The following STRA6 variants were observed in gnomAD, a reference collection of about 807,000 sequenced individuals.
STRA6 encodes the protein receptor for retinol uptake STRA6.
A neutral mutation model predicts 83.6 loss-of-function variants in STRA6; 48 were observed. That is an observed-to-expected ratio of 0.57 (90% CI 0.46 to 0.73). STRA6 has a LOEUF of 0.73. STRA6 is among the 30% of genes least tolerant of loss of function. STRA6 has a pLI of 0.00. For synonymous variants in STRA6, 353 were observed against 362.3 expected (o/e 0.97, Z 0.29); for missense variants, 760 against 838.8 (o/e 0.91, Z 1.16).
chr15:74,183,520 A>T, intron 14 of STRA6: 1 of 1,189,296 alleles, frequency 8.4e-7, no homozygotes, highest in Non-Finnish European at 1.1e-6. Context: ...CTGGGATTAC[A>T]GGTGTGAGCC....
At chr15:74,197,964 C>A in intron 2 of STRA6, 146 bp from the exon 3 acceptor site, 1 of 823,736 alleles carries the variant, frequency 1.2e-6, no homozygotes, top group Non-Finnish European at 2.0e-6. Flanking sequence ...CCTTCCCAGT[C>A]CCACCTTCTC....
upstream of STRA6, among the ~76,000 whole-genome samples, chr15:74,203,543 C>T (rs1248413811): frequency 3.3e-5 from 5 of 152,262 alleles, no homozygotes; most frequent in African/African-American, 1.2e-4. Flanking sequence ...CAATACCCTA[C>T]AAGGGGCTTC....
intron 8 of STRA6, chr15:74,191,811 G>T: frequency 2.2e-6 from 1 of 451,800 alleles, no homozygotes; most frequent in South Asian, 2.1e-5. Flanking sequence ...CCCACCCCTA[G>T]CCCTCTGGCC....
chr15:74,194,843 C>G, intron 7 of STRA6: 4 of 1,348,856 alleles, frequency 3.0e-6, no homozygotes, highest in Non-Finnish European at 3.8e-6. Context: ...GACAGCTTCA[C>G]AGCCCCAGCC....
At chr15:74,209,960 T>C (rs1401592065), upstream of STRA6, among the ~76,000 whole-genome samples, 1 of 152,080 alleles carries the variant, frequency 6.6e-6, no homozygotes, top group Admixed American at 6.5e-5. Flanking sequence ...CAGGCTTTTG[T>C]ATGTGAGATT....
intron 11 of STRA6, among the ~76,000 whole-genome samples, chr15:74,189,774 C>T (rs573314990): frequency 6.6e-6 from 1 of 151,952 alleles, no homozygotes; most frequent in South Asian, 2.1e-4. Flanking sequence ...AGCAATTCTC[C>T]TGCCTCAGCC....
At chr15:74,194,129 C>A (rs2073693703) in intron 7 of STRA6, among the ~76,000 whole-genome samples, 3 of 152,096 alleles carry the variant, frequency 2.0e-5, no homozygotes, top group Middle Eastern at 3.4e-3. Context: ...GCTCACCCCT[C>A]CCCCAGGCTC....
intron 1 of STRA6, 65 bp downstream of exon 1, chr15:74,202,648 C>T: frequency 7.1e-7 from 1 of 1,407,564 alleles, no homozygotes; most frequent in East Asian, 2.6e-5. Context: ...CCAGTCTGAG[C>T]TGCCTAAAGA....
At chr15:74,184,925 G>A in intron 13 of STRA6, 55 bp downstream of exon 13, 2 of 1,572,578 alleles carry the variant, frequency 1.3e-6, no homozygotes, top group Non-Finnish European at 1.7e-6. Context: ...CAGGCCCACA[G>A]GACTCCCACT....
chr15:74,195,736 A>G (rs2073783002), intron 5 of STRA6, 61 bp from the exon 6 acceptor site: 2 of 947,332 alleles, frequency 2.1e-6, no homozygotes, highest in Admixed American at 4.2e-5. Context: ...TGGATATATA[A>G]TGCTTAGCAT....
At chr15:74,183,427 G>T in intron 14 of STRA6, 1 of 840,678 alleles carries the variant, frequency 1.2e-6, no homozygotes, top group Non-Finnish European at 1.5e-6. Flanking sequence ...TGTATTTTTA[G>T]TAGAGACGGG....
At chr15:74,195,137 G>A in intron 7 of STRA6, 165 bp downstream of exon 7, 1 of 1,505,492 alleles carries the variant, frequency 6.6e-7, no homozygotes. Flanking sequence ...CTCCTGCAGA[G>A]CAGCCAAGCT....
At chr15:74,207,633 A>T, upstream of STRA6, 1 of 1,450,110 alleles carries the variant, frequency 6.9e-7, no homozygotes, top group East Asian at 2.5e-5. Flanking sequence ...CCCAACTTCG[A>T]TAGCACGGAA....
At chr15:74,195,061 C>G (rs1230069428) in intron 7 of STRA6, 1 of 1,446,876 alleles carries the variant, frequency 6.9e-7, no homozygotes, top group African/African-American at 1.4e-5. Flanking sequence ...GCCCACTTCC[C>G]CTTCTCCGCC....
At chr15:74,189,085 C>A (rs2142022785) in intron 12 of STRA6, 30 bp downstream of exon 12, 2 of 1,613,156 alleles carry the variant, frequency 1.2e-6, no homozygotes, top group Middle Eastern at 1.7e-4. Context: ...TTCCCCACTG[C>A]AGCCCTCAGG....
Position 74,189,173 on chromosome 15 carries a change from G to A in STRA6, c.1032C>T (p.Leu344=), listed in dbSNP as rs758411630. Reference sequence around the variant, plus strand: ...CCACCACCTCCTGCTTGTCCTCGGAGAGCACGATTCCAAAGCCGGCCAGCA... The same window carrying A: ...CCACCACCTCCTGCTTGTCCTCGGAAAGCACGATTCCAAAGCCGGCCAGCA... ...SYLLAGFGIV[L]SEDKQEVVEL... The change falls in exon 12 of 19, where the codon CTC becomes CTT. Residue 344 remains leucine, a synonymous_variant. Transcript: ENST00000395105. 6.2e-7 allele frequency: 1 copy of A among 1,614,116 alleles called. No individual in the cohort carries two copies. Among genetic ancestry groups the A allele is most frequent in the Non-Finnish European group, 8.5e-7 (1 of 1,180,026 alleles).
At chr15:74,190,292 T>A (rs1303589420) in intron 11 of STRA6, among the ~76,000 whole-genome samples, 1 of 152,222 alleles carries the variant, frequency 6.6e-6, no homozygotes, top group East Asian at 1.9e-4. Flanking sequence ...TAGGCTACGC[T>A]GAGATATTAG....
chr15:74,191,335 CCTGCCATG>C, intron 9 of STRA6, 81 bp downstream of exon 9: 1 of 1,607,548 alleles, frequency 6.2e-7, no homozygotes, highest in Non-Finnish European at 8.5e-7. Flanking sequence ...CCCCTCTGCC[CCTGCCATG>C]CTGCCCAGTG....
In STRA6 at chr15:74,191,404, G is replaced by T. The variant is rs775019412; in HGVS notation, c.788+20C>A. On this transcript the variant is annotated intron_variant, in intron 9 of 18. Transcript: ENST00000395105. ...CCAGCCCAATCCATTGGCCCACAAAGGGTGTGTCAGAGACCCCACCTGCTT... is the reference window on the plus strand; with the variant it reads ...CCAGCCCAATCCATTGGCCCACAAATGGTGTGTCAGAGACCCCACCTGCTT... The T allele has an allele frequency of 8.1e-6, 13 of 1,613,230 alleles. No homozygotes were observed. In the East Asian group the frequency reaches 2.2e-4, roughly 28 times the overall value.
Sources: allele counts gnomAD v4.1 joint callset (sites outside exome capture counted in the v4.1 genomes callset), GRCh38; gene constraint gnomAD v4.1.1; transcripts MANE v1.5; gene names NCBI Gene and HGNC (gene_info 2026-07-23, HGNC 2026-07-21).